KCTD16: variants seen among roughly 807,000 people sequenced by gnomAD.
The protein encoded by KCTD16 is potassium channel tetramerization domain containing 16.
KCTD16 carries 13 observed loss-of-function variants against 33.2 expected under a neutral mutation model. That is an observed-to-expected ratio of 0.39 (90% CI 0.25 to 0.62). The LOEUF is 0.62. KCTD16 is among the 20% of genes least tolerant of loss of function. The pLI is 0.50. For synonymous variants in KCTD16, 197 were observed against 195.3 expected, an observed-to-expected ratio of 1.01 and a Z score of -0.07; for missense variants, 441 against 525.1, an observed-to-expected ratio of 0.84 and a Z score of 1.57.
chr5:144,466,965 TATTATATATAATATATATA>T, intron 3 of KCTD16, among the ~76,000 whole-genome samples: 1 of 132,862 alleles, frequency 7.5e-6, no homozygotes, highest in Non-Finnish European at 1.6e-5. Context: ...ATATTATATA[TATTATATATAATATATATA>T]ACACTATATA....
chr5:144,281,281 C>T (rs879465459), intron 3 of KCTD16, among the ~76,000 whole-genome samples: 21 of 152,166 alleles, frequency 1.4e-4, no homozygotes, highest in Non-Finnish European at 2.8e-4. Flanking sequence ...AGGGTAGAAA[C>T]TTCAGTTATA....
chr5:144,365,910 G>T (rs1751822104), intron 3 of KCTD16, among the ~76,000 whole-genome samples: 1 of 152,142 alleles, frequency 6.6e-6, no homozygotes, highest in Non-Finnish European at 1.5e-5. Flanking sequence ...TCTGCCATTG[G>T]TGTAAAAATT....
In KCTD16 at chr5:144,381,150, G is replaced by A. The variant is rs183232578; in HGVS notation, c.833-92510G>A. On this transcript the variant is annotated intron_variant, in intron 3 of 3. Transcript: ENST00000512467. ...CCATTAAAAAATGAGCAAAGGACAC[G>A]AACAGACACTTTTCAAAAGAAGACA... Among the ~76,000 whole-genome samples, 11 of 151,902 alleles carry A rather than the reference G, an allele frequency of 7.2e-5. No homozygotes were observed. The East Asian group carries it at 9.7e-4, about 13-fold the overall frequency.
intron 2 of KCTD16, among the ~76,000 whole-genome samples, chr5:144,188,703 A>G (rs7727648): frequency 0.22 from 32,789 of 152,224 alleles, 3,738 homozygotes; most frequent in East Asian, 0.41. Flanking sequence ...GAAATGTATC[A>G]ACAGATAAAT....
intron 3 of KCTD16, among the ~76,000 whole-genome samples, chr5:144,223,078 G>T (rs1753812372): frequency 6.6e-6 from 1 of 152,110 alleles, no homozygotes; most frequent in African/African-American, 2.4e-5. Flanking sequence ...TCACTCATAG[G>T]TGGGAATTGA....
intron 3 of KCTD16, among the ~76,000 whole-genome samples, chr5:144,457,155 T>G (rs1754085250): frequency 6.6e-6 from 1 of 152,210 alleles, no homozygotes; most frequent in African/African-American, 2.4e-5. Context: ...CAACTAAAAG[T>G]TGTTTCATTT....
chr5:144,480,958 T>C lies in KCTD16; in HGVS notation c.*6844T>C, dbSNP rs375292413. ...AGTTTAAATGTGTATAGAAATTATA[T>C]GTATGGAAATTATTTGAAGTTAGAC... On this transcript the variant is annotated 3_prime_UTR_variant, in exon 4 of 4. Coordinates refer to ENST00000512467, the MANE Select transcript of KCTD16 (RefSeq NM_020768.4). 1 of 151,942 alleles carries C rather than the reference T, an allele frequency of 6.6e-6. No individual in the cohort carries two copies. Among genetic ancestry groups the C allele is most frequent in the South Asian group, 2.1e-4 (1 of 4,830 alleles). The allele number at this position is 151,942 out of a possible 1,614,324, so 9.4% of individuals were successfully genotyped here. A position where few individuals can be genotyped will look rare whatever the true frequency, so the allele number is the denominator to read the frequency against.
chr5:144,239,775 G>A (rs1895149), intron 3 of KCTD16, among the ~76,000 whole-genome samples: 46,611 of 151,910 alleles, frequency 0.31, 7,325 homozygotes, highest in African/African-American at 0.37. Context: ...ACTATACAAC[G>A]CATAAACTAT....
At chr5:144,273,107 G>T (rs576731906) in intron 3 of KCTD16, among the ~76,000 whole-genome samples, 1 of 152,038 alleles carries the variant, frequency 6.6e-6, no homozygotes, top group African/African-American at 2.4e-5. Flanking sequence ...GATATATAGT[G>T]AACTCCTAAA....
At chr5:144,471,160 G>T (rs1754461515) in intron 3 of KCTD16, among the ~76,000 whole-genome samples, 2 of 152,142 alleles carry the variant, frequency 1.3e-5, no homozygotes, top group South Asian at 4.1e-4. Context: ...TCCAGCCTGG[G>T]CGATAGAGCA....
intron 3 of KCTD16, among the ~76,000 whole-genome samples, chr5:144,407,765 A>T (rs1297608788): frequency 6.6e-6 from 1 of 150,502 alleles, no homozygotes; most frequent in East Asian, 2.0e-4. Flanking sequence ...TCTTTGTTCA[A>T]CTCCCTCTTA....
At chr5:144,214,451 T>C (rs1753498007) in intron 3 of KCTD16, among the ~76,000 whole-genome samples, 1 of 152,234 alleles carries the variant, frequency 6.6e-6, no homozygotes, top group Non-Finnish European at 1.5e-5. Context: ...ACTGCTCTTG[T>C]ATTCAAATAC....
chr5:144,284,700 C>T (rs938205456), intron 3 of KCTD16, among the ~76,000 whole-genome samples: 1 of 152,008 alleles, frequency 6.6e-6, no homozygotes, highest in Admixed American at 6.6e-5. Flanking sequence ...AAATAGACTG[C>T]TTTTCAAGAT....
intron 3 of KCTD16, among the ~76,000 whole-genome samples, chr5:144,314,227 T>G (rs550781457): frequency 6.6e-6 from 1 of 152,302 alleles, no homozygotes; most frequent in East Asian, 1.9e-4. Context: ...CCAAAGTATT[T>G]GGGTGGTAAT....
In KCTD16 at chr5:144,393,963, C is replaced by CTTT. The variant is rs70995050; in HGVS notation, c.833-79682_833-79680dup. ...CTTTTCCTTTTTTTCTTTCTTTTTT[C>CTTT]TTTTTTTTTTTTTTTTTGTTTAAAC... On this transcript the variant is annotated intron_variant, in intron 3 of 3. Transcript: ENST00000512467. 1.8e-4 allele frequency among the ~76,000 whole-genome samples: 22 copies of CTTT among 122,004 alleles called. 1 individual carries two copies. Among genetic ancestry groups the CTTT allele is most frequent in the African/African-American group, 5.8e-4 (19 of 32,892 alleles). The allele number at this position is 122,004 out of a possible 152,430, so 80.0% of individuals were successfully genotyped here.
At chr5:144,371,243 C>A (rs932411462) in intron 3 of KCTD16, among the ~76,000 whole-genome samples, 4 of 151,970 alleles carry the variant, frequency 2.6e-5, no homozygotes, top group African/African-American at 9.7e-5. Context: ...TATCTAAATT[C>A]TTTATATATT....
At chr5:144,357,481 G>C (rs188432287) in intron 3 of KCTD16, among the ~76,000 whole-genome samples, 30 of 152,182 alleles carry the variant, frequency 2.0e-4, no homozygotes, top group Admixed American at 5.2e-4. Context: ...AGGGAAAAAA[G>C]GTATAAAATA....
intron 3 of KCTD16, among the ~76,000 whole-genome samples, chr5:144,415,602 A>G (rs1005144494): frequency 1.3e-5 from 2 of 152,216 alleles, no homozygotes; most frequent in Admixed American, 1.3e-4. Context: ...GCTTTGAGGA[A>G]TTGTACAAAA....
At chr5:144,283,824 G>T (rs1458355895) in intron 3 of KCTD16, among the ~76,000 whole-genome samples, 1 of 152,118 alleles carries the variant, frequency 6.6e-6, no homozygotes, top group Admixed American at 6.5e-5. Flanking sequence ...TCATTACCTG[G>T]AGGATATAAA....
Sources: allele counts gnomAD v4.1 joint callset (sites outside exome capture counted in the v4.1 genomes callset), GRCh38; gene constraint gnomAD v4.1.1; transcripts MANE v1.5; gene names NCBI Gene and HGNC (gene_info 2026-07-23, HGNC 2026-07-21).